The following CACNB4 variants were observed in gnomAD, a reference collection of about 807,000 sequenced individuals.
CACNB4 encodes voltage-dependent L-type calcium channel subunit beta-4.
A neutral mutation model predicts 71.2 loss-of-function variants in CACNB4; 32 were observed. That is an observed-to-expected ratio of 0.45 (90% CI 0.34 to 0.60). CACNB4 has a LOEUF of 0.60. Ranked by LOEUF, CACNB4 falls within the 20% of genes least tolerant of loss-of-function variation. CACNB4 has a pLI of 0.01. For synonymous variants in CACNB4, 231 were observed against 236.9 expected, an observed-to-expected ratio of 0.97 and a Z score of 0.23; for missense variants, 464 against 647.9, an observed-to-expected ratio of 0.72 and a Z score of 3.08.
intron 3 of CACNB4, among the ~76,000 whole-genome samples, chr2:151,882,003 C>G (rs1002618975): frequency 6.6e-6 from 1 of 151,066 alleles, no homozygotes; most frequent in Non-Finnish European, 1.5e-5. Context: ...GCCTCTGCCT[C>G]CCGAGTAGCT....
At chr2:151,948,616 G>C (rs543451023) in intron 2 of CACNB4, among the ~76,000 whole-genome samples, 1 of 151,860 alleles carries the variant, frequency 6.6e-6, no homozygotes, top group Non-Finnish European at 1.5e-5. Flanking sequence ...AGCCAAGATC[G>C]TGCCACTGCA....
At chr2:151,886,883 G>T (rs1364410692) in intron 2 of CACNB4, among the ~76,000 whole-genome samples, 2 of 152,128 alleles carry the variant, frequency 1.3e-5, no homozygotes, top group African/African-American at 2.4e-5. Flanking sequence ...GGAAGGAAAA[G>T]ATAAAGGAAA....
intron 4 of CACNB4, chr2:151,879,821 A>T (rs1047212260): frequency 2.0e-5 from 3 of 152,242 alleles, no homozygotes; most frequent in Non-Finnish European, 4.4e-5. Context: ...ACAAATTGAG[A>T]CCTTGATACA....
chr2:152,003,111 C>T (rs1408889470), intron 2 of CACNB4, among the ~76,000 whole-genome samples: 3 of 152,150 alleles, frequency 2.0e-5, no homozygotes. Flanking sequence ...AATTTAAAGA[C>T]ATTCATCTAT....
At chr2:151,968,822 A>G (rs994511057) in intron 2 of CACNB4, 2 of 152,184 alleles carry the variant, frequency 1.3e-5, no homozygotes, top group Admixed American at 6.5e-5. Context: ...AGAAAAGGAG[A>G]CATGGAAGTA....
At chr2:152,092,390 C>T (rs552912095) in intron 2 of CACNB4, among the ~76,000 whole-genome samples, 5 of 152,174 alleles carry the variant, frequency 3.3e-5, no homozygotes, top group Admixed American at 6.5e-5. Context: ...AATTTGTTTG[C>T]CAACTTGTTT....
chr2:152,054,392 G>A (rs1035821446), intron 2 of CACNB4, among the ~76,000 whole-genome samples: 9 of 145,354 alleles, frequency 6.2e-5, no homozygotes, highest in Non-Finnish European at 1.4e-4. Context: ...AAAAAAAATA[G>A]TATTGTGTTG....
At chr2:152,081,663 T>A (rs1232015960) in intron 2 of CACNB4, among the ~76,000 whole-genome samples, 5 of 152,060 alleles carry the variant, frequency 3.3e-5, no homozygotes, top group African/African-American at 1.2e-4. Flanking sequence ...GGCCCTACCC[T>A]CAAAATCTCA....
intron 2 of CACNB4, among the ~76,000 whole-genome samples, chr2:151,933,473 G>A (rs954323758): frequency 2.0e-5 from 3 of 152,024 alleles, no homozygotes; most frequent in Non-Finnish European, 2.9e-5. Context: ...ACCTTTGAGG[G>A]TGTTGGTTTT....
intron 2 of CACNB4, among the ~76,000 whole-genome samples, chr2:152,090,172 C>T (rs922788625): frequency 1.3e-5 from 2 of 152,196 alleles, no homozygotes; most frequent in African/African-American, 2.4e-5. Flanking sequence ...ATTTGAGTGG[C>T]CAAAGGAAGG....
intron 8 of CACNB4, chr2:151,870,253 T>G: frequency 1.4e-6 from 1 of 703,036 alleles, no homozygotes; most frequent in Non-Finnish European, 2.6e-6. Flanking sequence ...TTCTTTGCAT[T>G]TAATGTACAG....
chr2:151,985,357 G>C (rs1681293505), intron 2 of CACNB4, among the ~76,000 whole-genome samples: 1 of 152,140 alleles, frequency 6.6e-6, no homozygotes, highest in Non-Finnish European at 1.5e-5. Context: ...GCACCATATA[G>C]ATGTCCTATG....
chr2:151,973,686 T>C (rs1488184961), intron 2 of CACNB4: 1 of 1,613,638 alleles, frequency 6.2e-7, no homozygotes, highest in Non-Finnish European at 8.5e-7. Context: ...GAGTCTTCAA[T>C]TCCATGCAGG....
At chr2:152,038,270 T>A (rs1684697286) in intron 2 of CACNB4, among the ~76,000 whole-genome samples, 3 of 152,220 alleles carry the variant, frequency 2.0e-5, no homozygotes, top group Admixed American at 2.0e-4. Flanking sequence ...TTGGTAACTC[T>A]CACACCAGAG....
intron 2 of CACNB4, among the ~76,000 whole-genome samples, chr2:152,084,254 C>T (rs1279450907): frequency 3.3e-5 from 5 of 152,116 alleles, no homozygotes; most frequent in African/African-American, 4.8e-5. Flanking sequence ...AAGAGTCACT[C>T]GAGGACCCAG....
chr2:151,846,002 GAAGA>G (rs1434413021), intron 12 of CACNB4, among the ~76,000 whole-genome samples: 3 of 152,222 alleles, frequency 2.0e-5, no homozygotes, highest in Admixed American at 6.5e-5. Context: ...AAATGGCAGA[GAAGA>G]AAGAAAGGGG....
chr2:152,085,224 G>A (rs1687591507), intron 2 of CACNB4, among the ~76,000 whole-genome samples: 1 of 152,060 alleles, frequency 6.6e-6, no homozygotes, highest in South Asian at 2.1e-4. Flanking sequence ...ACAGGCAGAG[G>A]GGAGGGAAGG....
At chr2:151,896,646 T>G (rs2099852144) in intron 2 of CACNB4, among the ~76,000 whole-genome samples, 1 of 152,152 alleles carries the variant, frequency 6.6e-6, no homozygotes, top group South Asian at 2.1e-4. Context: ...TCCTCTCCAA[T>G]CAGTTCACAG....
intron 2 of CACNB4, among the ~76,000 whole-genome samples, chr2:151,904,122 C>A (rs2099854165): frequency 6.6e-6 from 1 of 152,194 alleles, no homozygotes; most frequent in African/African-American, 2.4e-5. Context: ...TTTTCAAAAC[C>A]ACCGCTGCAA....
Sources: allele counts gnomAD v4.1 joint callset (sites outside exome capture counted in the v4.1 genomes callset), GRCh38; gene constraint gnomAD v4.1.1; transcripts MANE v1.5; gene names NCBI Gene and HGNC (gene_info 2026-07-23, HGNC 2026-07-21).